Variants in TSPEAR observed in about 807,000 individuals in gnomAD.
TSPEAR encodes the protein thrombospondin type laminin G domain and EAR repeats.
TSPEAR carries 69 observed loss-of-function variants against 71.6 expected under a neutral mutation model. The ratio of observed to expected loss-of-function variants is 0.96; its 90% CI spans 0.79 to 1.18. The LOEUF is 1.18. Ranked by LOEUF, TSPEAR falls within the 50% of genes most tolerant of loss-of-function variation. The pLI, the probability that TSPEAR is intolerant of heterozygous loss-of-function variation, is 0.00. For synonymous variants in TSPEAR, 402 were observed against 387.2 expected (o/e 1.04, Z -0.45); for missense variants, 971 against 894.9 (o/e 1.09, Z -1.09).
At chr21:44,658,008 G>A (rs587707540) in intron 1 of TSPEAR, 3 of 1,613,702 alleles carry the variant, frequency 1.9e-6, no homozygotes, top group Admixed American at 1.7e-5. Flanking sequence ...TCCCCAGCCT[G>A]CCAGCCAACC....
intron 1 of TSPEAR, chr21:44,658,351 T>C (rs1308408919): frequency 1.5e-6 from 2 of 1,365,228 alleles, no homozygotes; most frequent in Non-Finnish European, 2.0e-6. Context: ...ATTGCACACA[T>C]AGGGCAGATG....
At chr21:44,525,072 C>A in intron 8 of TSPEAR, among the ~76,000 whole-genome samples, 1 of 151,464 alleles carries the variant, frequency 6.6e-6, no homozygotes. Context: ...GATAGTCAGT[C>A]AGTTAGCCAG....
chr21:44,564,922 T>C (rs2146065232), intron 2 of TSPEAR, among the ~76,000 whole-genome samples: 3 of 151,534 alleles, frequency 2.0e-5, no homozygotes, highest in Middle Eastern at 3.4e-3. Context: ...AAGACAGAAA[T>C]AATGCAAAGT....
In TSPEAR at chr21:44,667,055, A is replaced by G. The variant is rs1985822641; in HGVS notation, c.82+44378T>C. The G allele has an allele frequency of 1.7e-5, 13 of 781,956 alleles. No homozygotes were observed. In the East Asian group the frequency reaches 3.5e-4, roughly 21 times the overall value. The allele number at this position is 781,956 out of a possible 1,614,324, so 48.4% of individuals were successfully genotyped here. A position where few individuals can be genotyped will look rare whatever the true frequency, so the allele number is the denominator to read the frequency against. On this transcript the variant is annotated intron_variant, in intron 1 of 11. Transcript: ENST00000323084. ...CTCCTGGAGCTTAATTTTCTGTTGT[A>G]GGTGTCTCTGGGTTTTGTTTGGCCC...
At chr21:44,614,333 C>G (rs149670025) in intron 1 of TSPEAR, among the ~76,000 whole-genome samples, 125 of 152,384 alleles carry the variant, frequency 8.2e-4, no homozygotes, top group African/African-American at 2.9e-3. Flanking sequence ...AGCATGGGGA[C>G]AGCGCCCAGA....
chr21:44,510,283 C>G (rs2052331975), intron 9 of TSPEAR, among the ~76,000 whole-genome samples: 1 of 152,190 alleles, frequency 6.6e-6, no homozygotes, highest in South Asian at 2.1e-4. Flanking sequence ...CCCAGGCTGT[C>G]CTAGCTGAGG....
chr21:44,705,838 C>A (rs1987884515), intron 1 of TSPEAR, among the ~76,000 whole-genome samples: 1 of 116,386 alleles, frequency 8.6e-6, no homozygotes, highest in Non-Finnish European at 2.0e-5. Flanking sequence ...ATTCTATTAC[C>A]CTGTTAAGTA....
intron 1 of TSPEAR, among the ~76,000 whole-genome samples, chr21:44,703,240 C>T (rs924273250): frequency 3.3e-5 from 5 of 152,244 alleles, no homozygotes; most frequent in Admixed American, 6.5e-5. Flanking sequence ...ACCCTAGAGA[C>T]GAGCCACGTC....
At chr21:44,527,843 G>A (rs897276120) in intron 6 of TSPEAR, among the ~76,000 whole-genome samples, 15 of 152,182 alleles carry the variant, frequency 9.9e-5, no homozygotes, top group African/African-American at 2.9e-4. Flanking sequence ...CGTGCTGGGC[G>A]GAACCCATGC....
intron 1 of TSPEAR, chr21:44,697,897 G>T (rs782519863): frequency 2.2e-5 from 36 of 1,612,550 alleles, no homozygotes; most frequent in African/African-American, 1.5e-4. Flanking sequence ...CCTCCTGCGG[G>T]TCCCTCCTCT....
Position 44,642,828 on chromosome 21 carries a change from C to T in TSPEAR, c.82+68605G>A, listed in dbSNP as rs979708029. 4.6e-5 allele frequency among the ~76,000 whole-genome samples: 7 copies of T among 151,410 alleles called. No individual in the cohort carries two copies. The highest frequency in any genetic ancestry group is 1.9e-4 in the East Asian group (1 of 5,174). Reference sequence around the variant, plus strand: ...CTGCACTCCAGCCTGGGCAACAGAGCGAGACTCTATCTCAAAAAAAAAAAA... The same window carrying T: ...CTGCACTCCAGCCTGGGCAACAGAGTGAGACTCTATCTCAAAAAAAAAAAA... On this transcript the variant is annotated intron_variant, in intron 1 of 11. Transcript: ENST00000323084. This position sits in a 1 kb window ranked among gnomAD's most constrained non-coding sequence, Gnocchi z 4.1.
intron 1 of TSPEAR, chr21:44,580,600 G>A: frequency 1.3e-6 from 2 of 1,592,864 alleles, no homozygotes; most frequent in South Asian, 1.2e-5. Context: ...GAAGACGTGA[G>A]CTGGGAGCTG....
At chr21:44,626,368 G>T (rs1431489897) in intron 1 of TSPEAR, among the ~76,000 whole-genome samples, 2 of 152,196 alleles carry the variant, frequency 1.3e-5, no homozygotes, top group Admixed American at 1.3e-4. Context: ...TGGGGCCTGT[G>T]GGCAGGGCTG....
chr21:44,571,616 G>T (rs2053798087), intron 1 of TSPEAR, among the ~76,000 whole-genome samples: 1 of 152,150 alleles, frequency 6.6e-6, no homozygotes, highest in African/African-American at 2.4e-5. Flanking sequence ...ATGAAACAGG[G>T]CAAATCTGAG....
intron 1 of TSPEAR, chr21:44,647,115 T>C: frequency 6.2e-7 from 1 of 1,614,128 alleles, no homozygotes; most frequent in South Asian, 1.1e-5. Context: ...GCCAGCAGCC[T>C]AGCTGCCAGC....
intron 1 of TSPEAR, among the ~76,000 whole-genome samples, chr21:44,632,378 G>A (rs1983306929): frequency 1.3e-5 from 2 of 152,188 alleles, no homozygotes; most frequent in South Asian, 4.2e-4. Flanking sequence ...CCACCAAGAA[G>A]TCTGTGTCCA....
chr21:44,574,605 C>G lies in TSPEAR; in HGVS notation c.83-6600G>C. The stretch of plus-strand genomic sequence containing the variant: ...CTGCTGCAAGCCTGTGTGCTGCAAG[C>G]CTGTCTGCTCTGTGCCCATCTGCTC... On this transcript the variant is annotated intron_variant, in intron 1 of 11. Coordinates refer to ENST00000323084, the MANE Select transcript of TSPEAR (RefSeq NM_144991.3). 2.3e-6 allele frequency: 3 copies of G among 1,298,676 alleles called. No homozygotes were observed. The Admixed American group carries it at 7.8e-5, about 34-fold the overall frequency. The allele number at this position is 1,298,676 out of a possible 1,614,324, so 80.4% of individuals were successfully genotyped here.
chr21:44,558,390 C>A, intron 2 of TSPEAR: 5 of 1,613,144 alleles, frequency 3.1e-6, no homozygotes. Flanking sequence ...GGGCACACAG[C>A]AGACTGGCTT....
intron 10 of TSPEAR, 23 bp from the exon 11 acceptor site, chr21:44,504,904 A>G: frequency 2.5e-6 from 4 of 1,573,816 alleles, no homozygotes; most frequent in Non-Finnish European, 3.5e-6. Context: ...GTGGGTGGAT[A>G]TTAGGACACA....
Sources: gnomAD v4.1 joint callset for allele counts (sites outside exome capture counted in the v4.1 genomes callset) on GRCh38, gnomAD v4.1.1 for gene constraint, Gnocchi (gnomAD v3.1) non-coding constraint, MANE v1.5 for transcripts, NCBI Gene and HGNC (gene_info 2026-07-23, HGNC 2026-07-21) for gene names.